Variants in TMEM272 observed in about 807,000 individuals in gnomAD.
TMEM272 encodes long intergenic non-protein coding RNA 282.
Under a neutral mutation model 3.7 loss-of-function variants are expected in TMEM272, and 8 were observed. That is an observed-to-expected ratio of 2.17 (90% CI 1.27 to 3.91). The LOEUF is 3.91. Ranked by LOEUF, TMEM272 falls within the 30% of genes most tolerant of loss-of-function variation. The pLI is 0.00. For missense variants in TMEM272, 166 were observed against 91.5 expected (o/e 1.81, Z -3.32); for synonymous variants, 63 against 39.8 (o/e 1.58, Z -2.20).
At chr13:51,904,462 T>A in the TMEM272 span, among the ~76,000 whole-genome samples, 1 of 152,128 alleles carries the variant, frequency 6.6e-6, no homozygotes, top group Non-Finnish European at 1.5e-5. Flanking sequence ...TGGGAAAACA[T>A]CACCTGGCCT....
At chr13:51,821,914 A>G in intron 4 of TMEM272, 141 bp downstream of exon 4, 1 of 671,584 alleles carries the variant, frequency 1.5e-6, no homozygotes, top group Non-Finnish European at 2.7e-6. Flanking sequence ...CTCTGGAGCT[A>G]GCCCCATCAC....
At chr13:51,872,005 G>A in the TMEM272 span, among the ~76,000 whole-genome samples, 3 of 152,096 alleles carry the variant, frequency 2.0e-5, no homozygotes, top group African/African-American at 4.8e-5. Flanking sequence ...CTGGGGACTC[G>A]CCCATGCACA....
the TMEM272 span, chr13:51,865,306 A>G: frequency 2.4e-6 from 3 of 1,271,090 alleles, no homozygotes; most frequent in African/African-American, 4.5e-5. Flanking sequence ...ATACTCATAG[A>G]TCTGTCTTTT....
chr13:51,862,758 A>C, the TMEM272 span, among the ~76,000 whole-genome samples: 1 of 152,202 alleles, frequency 6.6e-6, no homozygotes, highest in African/African-American at 2.4e-5. Flanking sequence ...GGGGGCCAGC[A>C]TGACATGGAA....
At chr13:51,843,172 T>C (rs550217844) in intron 1 of TMEM272, among the ~76,000 whole-genome samples, 1 of 152,378 alleles carries the variant, frequency 6.6e-6, no homozygotes, top group South Asian at 2.1e-4. Flanking sequence ...TTTCTAGGCT[T>C]ATTTCCCAGT....
the TMEM272 span, among the ~76,000 whole-genome samples, chr13:51,898,934 C>T: frequency 1.8e-4 from 28 of 152,268 alleles, no homozygotes; most frequent in East Asian, 4.8e-3. Context: ...TCCAATCTCA[C>T]AGTACTAAAC....
chr13:51,922,214 T>C, the TMEM272 span, among the ~76,000 whole-genome samples: 4 of 152,162 alleles, frequency 2.6e-5, no homozygotes, highest in Admixed American at 6.5e-5. Context: ...CATGCCCTTT[T>C]CTTAATGACT....
the TMEM272 span, among the ~76,000 whole-genome samples, chr13:51,850,706 A>G: frequency 1.3e-5 from 2 of 152,230 alleles, no homozygotes; most frequent in Non-Finnish European, 2.9e-5. Flanking sequence ...TGATATTTAA[A>G]ATTTAAATCT....
chr13:51,901,823 C>T, the TMEM272 span, among the ~76,000 whole-genome samples: 1 of 152,218 alleles, frequency 6.6e-6, no homozygotes, highest in Non-Finnish European at 1.5e-5. Context: ...CCCAGCCTAG[C>T]TACAATCCTC....
the TMEM272 span, among the ~76,000 whole-genome samples, chr13:51,926,637 GT>G: frequency 7.0e-6 from 1 of 143,594 alleles, no homozygotes; most frequent in South Asian, 2.6e-4. Context: ...GGGTTTGTGG[GT>G]GTGGGTGTGG....
At chr13:51,924,693 G>T in the TMEM272 span, among the ~76,000 whole-genome samples, 12 of 152,098 alleles carry the variant, frequency 7.9e-5, no homozygotes, top group African/African-American at 1.4e-4. Flanking sequence ...AAACAGTGTG[G>T]CCCCACTCAG....
At chr13:51,870,705 A>G in the TMEM272 span, among the ~76,000 whole-genome samples, 3 of 152,232 alleles carry the variant, frequency 2.0e-5, no homozygotes, top group Non-Finnish European at 4.4e-5. Flanking sequence ...GGCAGTGGGG[A>G]AAGCCAAGAA....
chr13:51,826,834 C>T (rs1410622272), intron 2 of TMEM272, among the ~76,000 whole-genome samples: 2 of 152,242 alleles, frequency 1.3e-5, no homozygotes, highest in African/African-American at 4.8e-5. Flanking sequence ...CTGAACATCT[C>T]TCGTGATCAC....
At chr13:51,856,707 T>C in the TMEM272 span, among the ~76,000 whole-genome samples, 1 of 152,138 alleles carries the variant, frequency 6.6e-6, no homozygotes, top group East Asian at 1.9e-4. Flanking sequence ...TCTGGTCACA[T>C]CAAAATAAAG....
rs1353226560 is a variant in TMEM272, at chr13:51,826,586, G to A, written c.98C>T (p.Pro33Leu). The change falls in exon 3 of 5, where the codon CCG becomes CTG. Residue 33 changes from proline (P) to leucine (L), a missense_variant. By Grantham distance (98) the Pro-to-Leu change is moderately conservative. Transcript: ENST00000629372. ...CTTACCTATGAAGGTCATGGACAGC[G>A]GCAGAGCCAGGAAAGCACAGAGCAC... ...VVVLCAFLAL[P>L]LSMTFIGMKF... is the part of the protein sequence containing the mutation. The A allele has an allele frequency of 1.0e-5, 7 of 702,446 alleles. No homozygotes were observed. The highest frequency in any genetic ancestry group is 1.7e-5 in the African/African-American group (1 of 57,248). 43.5% of individuals were successfully genotyped at this position (702,446 alleles called of 1,614,324 possible).
the TMEM272 span, chr13:51,908,170 T>A: frequency 1.7e-6 from 1 of 604,300 alleles, no homozygotes; most frequent in Admixed American, 2.6e-5. Context: ...CAACTGAAAA[T>A]GAGAATAGTC....
chr13:51,924,151 A>G, the TMEM272 span, among the ~76,000 whole-genome samples: 1 of 151,896 alleles, frequency 6.6e-6, no homozygotes, highest in African/African-American at 2.4e-5. Context: ...CCCTCTAGTC[A>G]TTCCTGTCTG....
the TMEM272 span, among the ~76,000 whole-genome samples, chr13:51,889,094 C>T: frequency 2.0e-5 from 3 of 152,144 alleles, no homozygotes; most frequent in Non-Finnish European, 4.4e-5. Context: ...GATAAACACC[C>T]TTGAACACAT....
At chr13:51,870,275 CTATT>C in the TMEM272 span, among the ~76,000 whole-genome samples, 1 of 146,232 alleles carries the variant, frequency 6.8e-6, no homozygotes, top group African/African-American at 2.8e-5. Flanking sequence ...GTGTGACTAT[CTATT>C]TAACCAGAGC....
Sources: gnomAD v4.1 joint callset for allele counts (sites outside exome capture counted in the v4.1 genomes callset) on GRCh38, gnomAD v4.1.1 for gene constraint, MANE v1.5 for transcripts, NCBI Gene and HGNC (gene_info 2026-07-23, HGNC 2026-07-21) for gene names.